Variants in PROZ observed in about 807,000 individuals in gnomAD.
PROZ encodes the protein protein Z, vitamin K dependent plasma glycoprotein.
In PROZ, 46 loss-of-function variants were observed where a neutral mutation model predicts 34.9. The observed-to-expected ratio is 1.32, with a 90% CI of 1.04 to 1.69. The LOEUF (loss-of-function observed/expected upper bound fraction) is 1.69. PROZ is among the 40% of genes most tolerant of loss of function. The pLI is 0.00. For missense variants in PROZ, 530 were observed against 520.4 expected, an observed-to-expected ratio of 1.02 and a Z score of -0.18; for synonymous variants, 195 against 208.5, an observed-to-expected ratio of 0.94 and a Z score of 0.56.
In PROZ at chr13:113,159,907, A is replaced by AGACG; in HGVS notation, c.71-101_71-98dup. 5 of 1,362,562 alleles carry AGACG rather than the reference A, an allele frequency of 3.7e-6. No homozygotes were observed. The highest frequency in any genetic ancestry group is 3.4e-5 in the Admixed American group (2 of 59,556). 84.4% of individuals were successfully genotyped at this position (1,362,562 alleles called of 1,614,324 possible). ...GCCCTCGCAGGCTGAGAGCCTGTGG[A>AGACG]GACGGACGGGGCTGGGGCTGGCGGC... On this transcript the variant is annotated intron_variant, in intron 1 of 7. Coordinates refer to ENST00000375547, the MANE Select transcript of PROZ (RefSeq NM_003891.3). This position sits in a 1 kb window ranked among gnomAD's most constrained non-coding sequence, Gnocchi z 4.6.
rs988149182 is a variant in PROZ at position 113,159,536 on chromosome 13, C to T, written c.71-478C>T. 1.3e-5 allele frequency among the ~76,000 whole-genome samples: 2 copies of T among 152,204 alleles called. No individual in the cohort carries two copies. Among genetic ancestry groups the T allele is most frequent in the African/African-American group, 4.8e-5 (2 of 41,442 alleles). On this transcript the variant is annotated intron_variant, in intron 1 of 7. Transcript: ENST00000375547. The surrounding 1 kb of genome is among the most constrained non-coding windows in gnomAD (Gnocchi z 4.6). ...TCCAGAGACCACTGCCGCGGGTCAA[C>T]TCATTTGCCTTCTCCTCCTGGAAAT...
chr13:113,161,074 C>A, intron 3 of PROZ, 102 bp downstream of exon 3: 1 of 1,064,788 alleles, frequency 9.4e-7, no homozygotes, highest in Non-Finnish European at 1.5e-6. Flanking sequence ...GGATGCCAAG[C>A]CTCTGGCTCC....
chr13:113,165,287 G>A, intron 6 of PROZ, 167 bp downstream of exon 6: 1 of 716,100 alleles, frequency 1.4e-6, no homozygotes, highest in Non-Finnish European at 2.5e-6. Context: ...ATGTTCTAAT[G>A]CCGAGTTCAT....
At chr13:113,160,437 C>T (rs1006432760) in intron 2 of PROZ, among the ~76,000 whole-genome samples, 1 of 152,204 alleles carries the variant, frequency 6.6e-6, no homozygotes, top group African/African-American at 2.4e-5. Context: ...GGCCCACACA[C>T]TGATCAGACA....
chr13:113,170,172 C>T lies in PROZ; in HGVS notation c.574-241C>T, dbSNP rs114781205. ...CTGATCACTGTTACTTCACCTGGGC[C>T]GAAAGGGGAAGTGCCGGCCCCATTT... On this transcript the variant is annotated intron_variant, in intron 6 of 7. Coordinates refer to ENST00000375547, the MANE Select transcript of PROZ (RefSeq NM_003891.3). 5.2e-3 allele frequency among the ~76,000 whole-genome samples: 786 copies of T among 152,130 alleles called. 4 individuals carry two copies. The highest frequency in any genetic ancestry group is 0.024 in the Middle Eastern group (7 of 294).
chr13:113,164,072 T>C lies in PROZ; in HGVS notation c.374-441T>C, dbSNP rs565703229. 2.6e-5 allele frequency among the ~76,000 whole-genome samples: 4 copies of C among 151,818 alleles called. No homozygotes were observed. The East Asian group carries it at 5.8e-4, about 22-fold the overall frequency. On this transcript the variant is annotated intron_variant, in intron 4 of 7. Transcript: ENST00000375547. ...CAGCTCACTGCAACCTTTTGCCTCC[T>C]GGGTTCAAGTGATTCTCCTGCCTCA... is the stretch of plus-strand genomic sequence containing the variant.
At chr13:113,164,961 C>T (rs562403667) in intron 5 of PROZ, 92 bp from the exon 6 acceptor site, 33 of 1,273,310 alleles carry the variant, frequency 2.6e-5, no homozygotes, top group Middle Eastern at 1.8e-4. Context: ...GTACCATAGA[C>T]GGAATTATGC....
At chr13:113,164,268 G>T (rs3024730) in intron 4 of PROZ, among the ~76,000 whole-genome samples, 5 of 152,040 alleles carry the variant, frequency 3.3e-5, no homozygotes, top group East Asian at 2.0e-4. Context: ...ATGAGCCACC[G>T]CGCCCGGCCT....
intron 4 of PROZ, 138 bp downstream of exon 4, chr13:113,163,260 A>T (rs2036800975): frequency 1.3e-6 from 1 of 750,578 alleles, no homozygotes; most frequent in South Asian, 1.5e-5. Context: ...GGCTCACCCC[A>T]GGGGATTCCT....
rs780743700 is a variant in PROZ at position 113,172,014 on chromosome 13, TGGGCTC to T, written c.1114_1119del (p.Gly372_Ser373del). The T allele has an allele frequency of 4.3e-5, 70 of 1,613,044 alleles. No homozygotes were observed. Among genetic ancestry groups the T allele is most frequent in the Non-Finnish European group, 5.8e-5 (68 of 1,180,024 alleles). ...GGCTCCTGGTTTCTCACGGGGGTCC[TGGGCTC>T]GCAGCCAGTAGGAGGGCAGGCTCAC... On this transcript the variant is annotated inframe_deletion, in exon 8 of 8. Coordinates refer to ENST00000375547, the MANE Select transcript of PROZ (RefSeq NM_003891.3).
intron 6 of PROZ, among the ~76,000 whole-genome samples, chr13:113,169,022 C>T (rs1041346962): frequency 6.6e-6 from 1 of 152,216 alleles, no homozygotes. Context: ...AGCCACCATG[C>T]CTGGCCCATT....
chr13:113,158,757 G>A lies in PROZ; in HGVS notation c.70+27G>A, dbSNP rs777147469. 11 of 1,576,680 alleles carry A rather than the reference G, an allele frequency of 7.0e-6. No homozygotes were observed. The African/African-American group carries it at 1.4e-4, about 19-fold the overall frequency. ...TAGGCATCTGGCTTACCTGTCTGTT[G>A]TGCCTGTGCTGTGTCTTTCTTGACT... On this transcript the variant is annotated intron_variant, in intron 1 of 7. Transcript: ENST00000375547. The surrounding 1 kb of genome is among the most constrained non-coding windows in gnomAD (Gnocchi z 4.3).
At chr13:113,170,968 G>A (rs964071406) in intron 7 of PROZ, among the ~76,000 whole-genome samples, 1 of 151,718 alleles carries the variant, frequency 6.6e-6, no homozygotes, top group Admixed American at 6.6e-5. Flanking sequence ...AATCCCTCAG[G>A]CTGGAGTGCA....
intron 4 of PROZ, among the ~76,000 whole-genome samples, chr13:113,163,980 AATTTTT>A (rs1198252382): frequency 1.0e-5 from 1 of 99,008 alleles, no homozygotes; most frequent in African/African-American, 3.6e-5. Flanking sequence ...TTTTTTTTTT[AATTTTT>A]ATTTTATTTT....
In PROZ at chr13:113,159,064, T is replaced by A. The variant is rs934431222; in HGVS notation, c.70+334T>A. ...TTGGGCATTGGACGAGGGGAGGGGG[T>A]GGGGCAGGCTGAGCCCAGACTGCAA... On this transcript the variant is annotated intron_variant, in intron 1 of 7. Coordinates refer to ENST00000375547, the MANE Select transcript of PROZ (RefSeq NM_003891.3). This position sits in a 1 kb window ranked among gnomAD's most constrained non-coding sequence, Gnocchi z 4.6. The A allele has an allele frequency of 5.7e-6, 2 of 353,332 alleles. No homozygotes were observed. The highest frequency in any genetic ancestry group is 9.3e-5 in the South Asian group (2 of 21,464). 21.9% of individuals were successfully genotyped at this position (353,332 alleles called of 1,614,324 possible).
chr13:113,163,653 T>G (rs1050812165), intron 4 of PROZ, among the ~76,000 whole-genome samples: 8 of 152,118 alleles, frequency 5.3e-5, no homozygotes, highest in African/African-American at 1.9e-4. Context: ...AAGTCCAGAT[T>G]TCTGCTCCAT....
chr13:113,164,332 A>G (rs2036853915), intron 4 of PROZ, among the ~76,000 whole-genome samples, 181 bp from the exon 5 acceptor site: 1 of 152,106 alleles, frequency 6.6e-6, no homozygotes. Flanking sequence ...GACATGTGGG[A>G]AACACTGACA....
intron 3 of PROZ, among the ~76,000 whole-genome samples, chr13:113,161,721 A>G (rs2036763563): frequency 6.6e-6 from 1 of 151,850 alleles, no homozygotes; most frequent in Non-Finnish European, 1.5e-5. Context: ...GGGGAGCAGC[A>G]TGAGCAGGCT....
rs772622245 is a variant in PROZ, at chr13:113,158,737, A to G, written c.70+7A>G. ...CATCGTGTGGAGCCCTCAGGTAGGC[A>G]TCTGGCTTACCTGTCTGTTGTGCCT... On this transcript the variant is annotated splice_region_variant and intron_variant, in intron 1 of 7. Coordinates refer to ENST00000375547, the MANE Select transcript of PROZ (RefSeq NM_003891.3). This position sits in a 1 kb window ranked among gnomAD's most constrained non-coding sequence, Gnocchi z 4.3. The G allele has an allele frequency of 3.8e-6, 6 of 1,598,256 alleles. No individual in the cohort carries two copies. In the South Asian group the frequency reaches 5.7e-5, roughly 15 times the overall value.
Sources: allele counts gnomAD v4.1 joint callset (sites outside exome capture counted in the v4.1 genomes callset), GRCh38; gene constraint gnomAD v4.1.1; non-coding constraint Gnocchi (gnomAD v3.1); transcripts MANE v1.5; gene names NCBI Gene and HGNC (gene_info 2026-07-23, HGNC 2026-07-21).